The following TLE3 variants were observed in gnomAD, a reference collection of about 807,000 sequenced individuals.
The protein encoded by TLE3 is transducin-like enhancer protein 3.
A neutral mutation model predicts 93.0 loss-of-function variants in TLE3; 14 were observed. That is an observed-to-expected ratio of 0.15 (90% CI 0.10 to 0.24). The LOEUF (loss-of-function observed/expected upper bound fraction) is 0.24. TLE3 is among the 10% of genes least tolerant of loss of function. The probability of loss-of-function intolerance (pLI) is 1.00; values close to 1 mark genes in which losing one functional copy is unlikely to be tolerated. For missense variants in TLE3, 693 were observed against 1,046.6 expected, an observed-to-expected ratio of 0.66 and a Z score of 4.66; for synonymous variants, 451 against 425.0, an observed-to-expected ratio of 1.06 and a Z score of -0.75.
chr15:70,056,487 C>A, intron 13 of TLE3, 113 bp from the exon 14 acceptor site: 1 of 933,168 alleles, frequency 1.1e-6, no homozygotes, highest in Admixed American at 2.0e-5. Flanking sequence ...CACTTTGTAA[C>A]CCAAGAGACA....
At chr15:70,078,416 AC>A (rs1567033410) in intron 4 of TLE3, among the ~76,000 whole-genome samples, 1 of 151,766 alleles carries the variant, frequency 6.6e-6, no homozygotes. Context: ...AACAAAAAAA[AC>A]CAACCTTACT....
At chr15:70,080,593 G>C (rs2057724464) in intron 4 of TLE3, among the ~76,000 whole-genome samples, 1 of 152,164 alleles carries the variant, frequency 6.6e-6, no homozygotes, top group African/African-American at 2.4e-5. Flanking sequence ...ACAAGATAGT[G>C]GGGGGCAAGT....
At chr15:70,063,439 C>T (rs894717416) in intron 8 of TLE3, among the ~76,000 whole-genome samples, 4 of 152,168 alleles carry the variant, frequency 2.6e-5, no homozygotes, top group Non-Finnish European at 4.4e-5. Flanking sequence ...CAAGAGGCCA[C>T]GGACGCCAGC....
chr15:70,097,269 C>A lies in TLE3; in HGVS notation c.-471G>T. The A allele has an allele frequency of 5.0e-6, 2 of 400,220 alleles. No homozygotes were observed. The highest frequency in any genetic ancestry group is 8.8e-6 in the Non-Finnish European group (2 of 227,898). The allele number at this position is 400,220 out of a possible 1,614,324, so 24.8% of individuals were successfully genotyped here. On this transcript the variant is annotated 5_prime_UTR_variant, in exon 1 of 20. Coordinates refer to ENST00000451782, the MANE Select transcript of TLE3 (RefSeq NM_001105192.3). ...CCGGGGCAGCCCCAAGCATCCGGGG[C>A]GCGCGGGTCCGATCCTAGAGGCGTC... is the stretch of plus-strand genomic sequence containing the variant.
chr15:70,081,262 TAA>T (rs371402652), intron 4 of TLE3, among the ~76,000 whole-genome samples: 36 of 152,356 alleles, frequency 2.4e-4, no homozygotes, highest in African/African-American at 7.5e-4. Flanking sequence ...TTTAGAACCC[TAA>T]ATATTCCCGA....
intron 4 of TLE3, among the ~76,000 whole-genome samples, chr15:70,093,316 A>G (rs1320153571): frequency 2.0e-5 from 3 of 152,204 alleles, no homozygotes. Context: ...AGGAGGGGAA[A>G]GGAAACTACA....
intron 16 of TLE3, chr15:70,053,953 G>A (rs6494841): frequency 0.63 from 99,896 of 159,066 alleles, 32,065 homozygotes; most frequent in Middle Eastern, 0.77. Context: ...TTTGCGCTGC[G>A]GCACAGTCAG....
chr15:70,056,443 C>T, intron 13 of TLE3, 69 bp from the exon 14 acceptor site: 1 of 1,472,614 alleles, frequency 6.8e-7, no homozygotes, highest in Non-Finnish European at 9.4e-7. Context: ...GCCTCCTCCA[C>T]CACCCACCCG....
intron 3 of TLE3, 58 bp from the exon 4 acceptor site, chr15:70,094,634 A>T (rs1261692957): frequency 7.5e-7 from 1 of 1,342,252 alleles, no homozygotes; most frequent in Admixed American, 2.7e-5. Flanking sequence ...CATTTTTCAA[A>T]ATCAGTTTTT....
intron 3 of TLE3, 100 bp from the exon 4 acceptor site, chr15:70,094,676 TA>T: frequency 3.5e-6 from 3 of 861,126 alleles, no homozygotes; most frequent in Non-Finnish European, 5.4e-6. Flanking sequence ...ATCATACTTT[TA>T]CGATACATTT....
chr15:70,084,578 ATATAGCCTATGGATAAAGATCACTGAGGT>A (rs770191269), intron 4 of TLE3, among the ~76,000 whole-genome samples: 20 of 152,218 alleles, frequency 1.3e-4, no homozygotes, highest in Non-Finnish European at 2.1e-4. Context: ...CCTCATCTTG[ATATAGCCTATGGATAAAGATCACTGAGGT>A]CCACGAGGGA....
chr15:70,069,030 A>G (rs957960821), intron 6 of TLE3, among the ~76,000 whole-genome samples: 1 of 152,226 alleles, frequency 6.6e-6, no homozygotes, highest in Non-Finnish European at 1.5e-5. Flanking sequence ...CAGGTGCTCA[A>G]TCTTAGCAAA....
chr15:70,060,550 T>C lies in TLE3; in HGVS notation c.694A>G (p.Lys232Glu). 6.2e-7 allele frequency: 1 copy of C among 1,613,938 alleles called. No homozygotes were observed. Among genetic ancestry groups the C allele is most frequent in the Non-Finnish European group, 8.5e-7 (1 of 1,179,846 alleles). ...CGTACGTATCGGCTCAAGCTGTCCT[T>C]CTCCTCCGCCTTCCGCTTCTTGGCT... Reference protein sequence around the residue: ...MEAKKRKAEEKDSLSRYDSDG... With the variant: ...MEAKKRKAEEEDSLSRYDSDG... The change falls in exon 9 of 20, where the codon AAG (lysine) becomes GAG (glutamate). Residue 232 changes from lysine (K) to glutamate (E), a missense_variant. Transcript: ENST00000451782.
At chr15:70,063,680 C>T (rs112695471) in intron 8 of TLE3, among the ~76,000 whole-genome samples, 4 of 152,330 alleles carry the variant, frequency 2.6e-5, no homozygotes, top group Admixed American at 1.3e-4. Flanking sequence ...CTTTGCTAAT[C>T]GCTGGAGGAT....
At chr15:70,072,331 G>A (rs561729073) in intron 6 of TLE3, among the ~76,000 whole-genome samples, 4 of 152,226 alleles carry the variant, frequency 2.6e-5, no homozygotes, top group Admixed American at 2.6e-4. Context: ...TCCAAAGAGG[G>A]GGGCAGAGGG....
At position 70,080,521 on chromosome 15, in the gene TLE3, C is replaced by T. The variant is rs183213273; in HGVS notation, c.235-4363G>A. 7.2e-5 allele frequency among the ~76,000 whole-genome samples: 11 copies of T among 152,184 alleles called. No homozygotes were observed. In the East Asian group the frequency reaches 1.7e-3, roughly 24 times the overall value. ...TCCGGAATCTGCACTACCAACTGGG[C>T]GCTGGGAGTAACATCTGCCCTGCAT... is the stretch of plus-strand genomic sequence containing the variant. On this transcript the variant is annotated intron_variant, in intron 4 of 19. Coordinates refer to ENST00000451782, the MANE Select transcript of TLE3 (RefSeq NM_001105192.3).
intron 6 of TLE3, among the ~76,000 whole-genome samples, chr15:70,073,641 C>T (rs971763693): frequency 2.0e-5 from 3 of 152,202 alleles, no homozygotes; most frequent in Non-Finnish European, 4.4e-5. Flanking sequence ...GAAGCTCCTC[C>T]GTGGACTGGG....
At chr15:70,084,435 C>A (rs2057946506) in intron 4 of TLE3, among the ~76,000 whole-genome samples, 1 of 152,200 alleles carries the variant, frequency 6.6e-6, no homozygotes, top group Non-Finnish European at 1.5e-5. Flanking sequence ...GGGTGGCAAT[C>A]CCTGATCCAC....
intron 4 of TLE3, among the ~76,000 whole-genome samples, chr15:70,088,805 A>C (rs1276696425): frequency 6.6e-6 from 1 of 152,230 alleles, no homozygotes; most frequent in African/African-American, 2.4e-5. Context: ...ACTTTGGGGA[A>C]TAAAGTTCAA....
Sources: allele counts gnomAD v4.1 joint callset (sites outside exome capture counted in the v4.1 genomes callset), GRCh38; gene constraint gnomAD v4.1.1; transcripts MANE v1.5; gene names NCBI Gene and HGNC (gene_info 2026-07-23, HGNC 2026-07-21).